FHIT: variants seen among roughly 807,000 people sequenced by gnomAD.
The protein encoded by FHIT is bis(5'-adenosyl)-triphosphatase.
In FHIT, 19 loss-of-function variants were observed where a neutral mutation model predicts 17.9. The observed-to-expected ratio is 1.06, with a 90% CI of 0.74 to 1.56. The LOEUF is 1.56. FHIT is among the 40% of genes most tolerant of loss of function. The pLI is 0.00. For synonymous variants in FHIT, 81 were observed against 69.7 expected (o/e 1.16, Z -0.81); for missense variants, 248 against 189.2 (o/e 1.31, Z -1.82).
chr3:60,441,752 A>ATT, intron 5 of FHIT, among the ~76,000 whole-genome samples: 1 of 43,850 alleles, frequency 2.3e-5, no homozygotes, highest in Non-Finnish European at 4.2e-5. Context: ...ATTTATATAT[A>ATT]TAAAAATATA....
intron 3 of FHIT, among the ~76,000 whole-genome samples, chr3:60,994,289 A>C (rs1466804945): frequency 1.3e-5 from 2 of 152,206 alleles, no homozygotes; most frequent in African/African-American, 2.4e-5. Context: ...GGAAATGGGT[A>C]ATTACAAGCC....
chr3:60,262,230 A>C (rs1576386558), intron 5 of FHIT, among the ~76,000 whole-genome samples: 1 of 152,056 alleles, frequency 6.6e-6, no homozygotes, highest in East Asian at 1.9e-4. Flanking sequence ...TATAATTTTT[A>C]AAAAGTTACA....
intron 4 of FHIT, among the ~76,000 whole-genome samples, chr3:60,781,587 C>G (rs181469165): frequency 2.0e-5 from 3 of 152,304 alleles, no homozygotes; most frequent in African/African-American, 2.4e-5. Context: ...TTTATAGTCA[C>G]TTGACCTCTC....
intron 8 of FHIT, among the ~76,000 whole-genome samples, chr3:59,891,775 TA>T (rs1703866699): frequency 6.6e-6 from 1 of 152,162 alleles, no homozygotes; most frequent in Non-Finnish European, 1.5e-5. Flanking sequence ...GGATGTCTTG[TA>T]AGTAAAATCA....
chr3:60,534,350 G>A (rs1164241534), intron 5 of FHIT, among the ~76,000 whole-genome samples: 11 of 144,268 alleles, frequency 7.6e-5, no homozygotes, highest in African/African-American at 2.3e-4. Flanking sequence ...GGAGAATGGC[G>A]TGAACCCGGG....
intron 5 of FHIT, among the ~76,000 whole-genome samples, chr3:60,027,721 TAA>T (rs11433582): frequency 6.9e-6 from 1 of 144,596 alleles, no homozygotes; most frequent in Non-Finnish European, 1.5e-5. Flanking sequence ...ATTTAGTTTA[TAA>T]AAAAAAAAAA....
At chr3:60,716,298 T>C (rs563034330) in intron 4 of FHIT, among the ~76,000 whole-genome samples, 1 of 152,060 alleles carries the variant, frequency 6.6e-6, no homozygotes, top group South Asian at 2.1e-4. Context: ...ACCCTTAGTT[T>C]AAAACACAAA....
intron 2 of FHIT, among the ~76,000 whole-genome samples, chr3:61,054,875 C>G (rs539544988): frequency 3.2e-4 from 49 of 152,236 alleles, no homozygotes; most frequent in African/African-American, 1.1e-3. Flanking sequence ...ACTTTGGGGT[C>G]CCTCTATTAC....
In FHIT at chr3:60,456,611, G is replaced by C. The variant is rs114202402; in HGVS notation, c.103+80249C>G. ...GCAGAGAATCTTTTAACCCCTAATG[G>C]GCTTGTTCCTCTGATTAGACTAGAT... On this transcript the variant is annotated intron_variant, in intron 5 of 9. Transcript: ENST00000492590. 9.2e-3 allele frequency among the ~76,000 whole-genome samples: 1,402 copies of C among 152,160 alleles called. 15 individuals carry two copies. Among genetic ancestry groups the C allele is most frequent in the East Asian group, 0.029 (148 of 5,182 alleles).
At chr3:60,235,212 A>C (rs1251634611) in intron 5 of FHIT, among the ~76,000 whole-genome samples, 1 of 149,770 alleles carries the variant, frequency 6.7e-6, no homozygotes. Flanking sequence ...TGTATTTTTA[A>C]ATATCTATGC....
chr3:60,942,617 T>C (rs915661868), intron 3 of FHIT, among the ~76,000 whole-genome samples: 1 of 152,110 alleles, frequency 6.6e-6, no homozygotes, highest in South Asian at 2.1e-4. Context: ...GTTTGACAAG[T>C]GAGAATGTGC....
At chr3:60,666,167 AC>A (rs2040378312) in intron 4 of FHIT, among the ~76,000 whole-genome samples, 1 of 152,174 alleles carries the variant, frequency 6.6e-6, no homozygotes, top group African/African-American at 2.4e-5. Flanking sequence ...TATTGTATGT[AC>A]CCACAAATGT....
At chr3:60,763,787 AG>A (rs1699749405) in intron 4 of FHIT, among the ~76,000 whole-genome samples, 1 of 152,218 alleles carries the variant, frequency 6.6e-6, no homozygotes. Flanking sequence ...CTCTCTTGTC[AG>A]GGATAACATT....
chr3:60,895,722 C>CTTTCTT (rs1575657225), intron 3 of FHIT, among the ~76,000 whole-genome samples: 3 of 91,578 alleles, frequency 3.3e-5, no homozygotes, highest in African/African-American at 1.1e-4. Flanking sequence ...TTCTTTCTTT[C>CTTTCTT]TTTCTTTCTT....
intron 2 of FHIT, among the ~76,000 whole-genome samples, chr3:61,081,323 T>C (rs2035130327): frequency 6.6e-6 from 1 of 152,130 alleles, no homozygotes; most frequent in Non-Finnish European, 1.5e-5. Context: ...TTCAATTCAT[T>C]CTAAGGGAGG....
chr3:60,237,762 C>G (rs1321608255), intron 5 of FHIT, among the ~76,000 whole-genome samples: 9 of 152,068 alleles, frequency 5.9e-5, no homozygotes, highest in Non-Finnish European at 1.3e-4. Flanking sequence ...ATGTCTCTAC[C>G]TATTATTTTA....
At chr3:59,788,881 G>GTTTTTTTTTTTTTTTTTT (rs60361063) in intron 8 of FHIT, among the ~76,000 whole-genome samples, 4,354 of 86,788 alleles carry the variant, frequency 0.05, 1,303 homozygotes, top group East Asian at 0.17. Flanking sequence ...GAGTTCATAT[G>GTTTTTTTTTTTTTTTTTT]TTTTTTTTTT....
intron 5 of FHIT, among the ~76,000 whole-genome samples, chr3:60,015,134 C>A (rs141057074): frequency 1.2e-3 from 189 of 152,146 alleles, no homozygotes; most frequent in African/African-American, 3.7e-3. Flanking sequence ...ACAGCATGCT[C>A]CTGCCTGGAG....
At chr3:60,222,429 C>G (rs1185949023) in intron 5 of FHIT, among the ~76,000 whole-genome samples, 1 of 152,164 alleles carries the variant, frequency 6.6e-6, no homozygotes, top group East Asian at 1.9e-4. Flanking sequence ...GCTCTTTTCA[C>G]CTTTTTACAA....
Sources: gnomAD v4.1 joint callset for allele counts (sites outside exome capture counted in the v4.1 genomes callset) on GRCh38, gnomAD v4.1.1 for gene constraint, MANE v1.5 for transcripts, NCBI Gene and HGNC (gene_info 2026-07-23, HGNC 2026-07-21) for gene names.